MAPK10: variants seen among roughly 807,000 people sequenced by gnomAD.
The protein encoded by MAPK10 is JNK3 alpha protein kinase.
Under a neutral mutation model 59.3 loss-of-function variants are expected in MAPK10, and 25 were observed. The ratio of observed to expected loss-of-function variants is 0.42; its 90% CI spans 0.31 to 0.59. The LOEUF (loss-of-function observed/expected upper bound fraction) is 0.59, where lower values mean the gene tolerates loss of function less well. MAPK10 is among the 20% of genes least tolerant of loss of function. MAPK10 has a pLI of 0.15. For synonymous variants in MAPK10, 190 were observed against 200.5 expected, an observed-to-expected ratio of 0.95 and a Z score of 0.44; for missense variants, 351 against 568.9, an observed-to-expected ratio of 0.62 and a Z score of 3.90.
rs1190785307 is a variant in MAPK10 at position 86,511,610 on chromosome 4, CAGA to C, written c.-263+82297_-263+82299del. On this transcript the variant is annotated intron_variant, in intron 1 of 4. Coordinates refer to the MAPK10 transcript ENST00000502302. ...GAGGAAAGAAGAAGGAAGAAGAATACAGAAGGAGGAAGAGGAAAGAAGAAGGAA... is the reference window on the plus strand; with the variant it reads ...GAGGAAAGAAGAAGGAAGAAGAATACAGGAGGAAGAGGAAAGAAGAAGGAA... Among the ~76,000 whole-genome samples, 9 of 141,660 alleles carry C rather than the reference CAGA, an allele frequency of 6.4e-5. No individual in the cohort carries two copies. The South Asian group carries it at 2.0e-3, about 32-fold the overall frequency. 92.9% of individuals were successfully genotyped at this position (141,660 alleles called of 152,430 possible).
intron 4 of MAPK10, among the ~76,000 whole-genome samples, chr4:86,108,165 A>G (rs4235078): frequency 0.57 from 86,487 of 152,044 alleles, 26,735 homozygotes; most frequent in South Asian, 0.74. Flanking sequence ...AATAAATGCT[A>G]TTCACATGTG....
At chr4:86,321,975 G>C (rs185005704) in intron 2 of MAPK10, 13 of 151,792 alleles carry the variant, frequency 8.6e-5, no homozygotes, top group African/African-American at 2.7e-4. Context: ...GGGGTTACAA[G>C]AATAAGCCGC....
intron 4 of MAPK10, among the ~76,000 whole-genome samples, chr4:86,155,018 C>T (rs923712728): frequency 2.0e-5 from 3 of 152,002 alleles, no homozygotes; most frequent in Non-Finnish European, 1.5e-5. Flanking sequence ...GGAAGATGTT[C>T]CCAACCTTTT....
At chr4:86,400,431 C>G (rs976254785) in intron 1 of MAPK10, among the ~76,000 whole-genome samples, 5 of 151,928 alleles carry the variant, frequency 3.3e-5, no homozygotes, top group Admixed American at 1.3e-4. Flanking sequence ...CTCTCTTTCT[C>G]TCTCTCCCTC....
chr4:86,074,438 G>T lies in MAPK10; in HGVS notation c.803-6483C>A, dbSNP rs555883107. ...TGTGTGAATTTGATTCTGTCATCAT[G>T]ATGTTAGCTGGTGATTTTGCTCGTT... On this transcript the variant is annotated intron_variant, in intron 9 of 13. Transcript: ENST00000641462. Among the ~76,000 whole-genome samples, 6 of 151,224 alleles carry T rather than the reference G, an allele frequency of 4.0e-5. No individual in the cohort carries two copies. In the South Asian group the frequency reaches 1.3e-3, roughly 32 times the overall value.
At chr4:86,247,385 C>G (rs1157270001) in intron 2 of MAPK10, among the ~76,000 whole-genome samples, 2 of 152,188 alleles carry the variant, frequency 1.3e-5, no homozygotes, top group Non-Finnish European at 2.9e-5. Flanking sequence ...GCCCTGATCC[C>G]AGGTCCTGTT....
chr4:86,158,422 C>G (rs1003484448), intron 4 of MAPK10, among the ~76,000 whole-genome samples: 5 of 151,648 alleles, frequency 3.3e-5, no homozygotes, highest in Non-Finnish European at 7.4e-5. Context: ...TCATCTCATC[C>G]CTTAAAAGTG....
intron 1 of MAPK10, among the ~76,000 whole-genome samples, chr4:86,507,649 T>TAC (rs1755873715): frequency 1.5e-4 from 14 of 94,734 alleles, no homozygotes; most frequent in Non-Finnish European, 3.0e-4. Flanking sequence ...TATATATATA[T>TAC]ATATATATAT....
In MAPK10 at chr4:86,266,138, T is replaced by C. The variant is rs370701140; in HGVS notation, c.-6-71731A>G. Among the ~76,000 whole-genome samples, 78 of 152,276 alleles carry C rather than the reference T, an allele frequency of 5.1e-4. No individual in the cohort carries two copies. In the South Asian group the frequency reaches 0.016, roughly 31 times the overall value. On this transcript the variant is annotated intron_variant, in intron 2 of 13. Transcript: ENST00000641462. The stretch of plus-strand genomic sequence containing the variant: ...TGTGAAATTTCCCTGAGGTGCTCAC[T>C]AGGTGTAAGAAACAACAGAGGAAGA...
intron 1 of MAPK10, among the ~76,000 whole-genome samples, chr4:86,542,116 T>C (rs770268355): frequency 6.6e-6 from 1 of 152,164 alleles, no homozygotes; most frequent in African/African-American, 2.4e-5. Context: ...CATTATATTT[T>C]TATTCAGAAT....
At chr4:86,268,376 TTCTA>T (rs892052563) in intron 2 of MAPK10, 1 of 152,166 alleles carries the variant, frequency 6.6e-6, no homozygotes, top group African/African-American at 2.4e-5. Flanking sequence ...CCTAGTTGCT[TTCTA>T]TCTCAGTCTT....
intron 9 of MAPK10, chr4:86,079,372 T>C (rs2050169970): frequency 6.6e-6 from 1 of 152,206 alleles, no homozygotes; most frequent in Admixed American, 6.5e-5. Flanking sequence ...TATATATTAA[T>C]ATGTGTAGCA....
intron 2 of MAPK10, among the ~76,000 whole-genome samples, chr4:86,208,474 G>A (rs1438085181): frequency 6.7e-6 from 1 of 149,068 alleles, no homozygotes; most frequent in Non-Finnish European, 1.5e-5. Context: ...TATAAACAGA[G>A]CCAAAGACAA....
intron 1 of MAPK10, among the ~76,000 whole-genome samples, chr4:86,592,694 C>G (rs1763146042): frequency 6.6e-6 from 1 of 152,160 alleles, no homozygotes; most frequent in African/African-American, 2.4e-5. Context: ...ATCCAAGGAG[C>G]CTGGCCTGTT....
chr4:86,357,036 C>G (rs1386883610), intron 1 of MAPK10: 1 of 152,096 alleles, frequency 6.6e-6, no homozygotes, highest in Non-Finnish European at 1.5e-5. Context: ...AATGTCCAAC[C>G]AAAAGCTTAA....
In MAPK10 at chr4:86,592,047, TA is replaced by T. The variant is rs557456674; in HGVS notation, c.-263+1862del. On this transcript the variant is annotated intron_variant, in intron 1 of 4. Transcript: ENST00000502302. ...TTTTCAGCATCAACTGAGATCCTCA[TA>T]ATGTTTTCCTCCTTTGACTTACTAA... Among the ~76,000 whole-genome samples the T allele has an allele frequency of 1.9e-4, 29 of 152,218 alleles. 1 individual carries two copies. In the South Asian group the frequency reaches 5.8e-3, roughly 30 times the overall value.
intron 1 of MAPK10, among the ~76,000 whole-genome samples, chr4:86,496,214 G>T (rs1054047689): frequency 1.3e-5 from 2 of 152,168 alleles, no homozygotes; most frequent in East Asian, 3.8e-4. Flanking sequence ...TAGAGACTTA[G>T]ATGTTGAAAA....
chr4:86,302,101 A>G (rs1374546782), intron 2 of MAPK10, among the ~76,000 whole-genome samples: 1 of 152,150 alleles, frequency 6.6e-6, no homozygotes, highest in Admixed American at 6.5e-5. Flanking sequence ...TTGAATTTAC[A>G]TGATGGTGAT....
At chr4:86,523,716 A>G (rs978025952) in intron 1 of MAPK10, among the ~76,000 whole-genome samples, 2 of 152,190 alleles carry the variant, frequency 1.3e-5, no homozygotes, top group East Asian at 1.9e-4. Flanking sequence ...ATCTACCCCT[A>G]CTTTCCAGAG....
Sources: allele counts gnomAD v4.1 joint callset (sites outside exome capture counted in the v4.1 genomes callset), GRCh38; gene constraint gnomAD v4.1.1; transcripts MANE v1.5; gene names NCBI Gene and HGNC (gene_info 2026-07-23, HGNC 2026-07-21).